UMAD1: variants seen among roughly 807,000 people sequenced by gnomAD.
UMAD1 encodes UBAP1-MVB12-associated (UMA)-domain containing protein 1.
A neutral mutation model predicts 6.1 loss-of-function variants in UMAD1; 8 were observed. The ratio of observed to expected loss-of-function variants is 1.30; its 90% CI spans 0.76 to 2.35. UMAD1 has a LOEUF of 2.35. Ranked by LOEUF, UMAD1 falls within the 30% of genes most tolerant of loss-of-function variation. The pLI, the probability that UMAD1 is intolerant of heterozygous loss-of-function variation, is 0.00. For synonymous variants in UMAD1, 56 were observed against 31.4 expected, an observed-to-expected ratio of 1.78 and a Z score of -2.61; for missense variants, 130 against 78.4, an observed-to-expected ratio of 1.66 and a Z score of -2.49.
At chr7:7,647,605 T>C (rs1785125071) in intron 1 of UMAD1, among the ~76,000 whole-genome samples, 1 of 152,154 alleles carries the variant, frequency 6.6e-6, no homozygotes, top group African/African-American at 2.4e-5. Flanking sequence ...TGACTTTTGC[T>C]ATATATATAC....
chr7:7,698,981 A>G (rs571512702), intron 2 of UMAD1, among the ~76,000 whole-genome samples: 6 of 150,424 alleles, frequency 4.0e-5, no homozygotes, highest in East Asian at 3.9e-4. Context: ...CAGCCCCCCA[A>G]GTATCTGGGA....
chr7:7,821,421 C>T (rs934675182), intron 3 of UMAD1, among the ~76,000 whole-genome samples: 1 of 152,050 alleles, frequency 6.6e-6, no homozygotes. Context: ...ATTAATTTCA[C>T]CTGTTTAACT....
chr7:7,743,655 C>T (rs1230844943), intron 2 of UMAD1, among the ~76,000 whole-genome samples: 1 of 151,326 alleles, frequency 6.6e-6, no homozygotes, highest in Non-Finnish European at 1.5e-5. Context: ...ATTATTAAAG[C>T]AGGGGAAAGT....
chr7:7,781,375 T>G (rs1458496889), intron 2 of UMAD1, among the ~76,000 whole-genome samples: 1 of 151,774 alleles, frequency 6.6e-6, no homozygotes, highest in East Asian at 1.9e-4. Flanking sequence ...CTCTTTCTTT[T>G]TTTTTTAGTG....
intron 2 of UMAD1, chr7:7,689,542 G>C (rs1583739367): frequency 6.6e-6 from 1 of 152,108 alleles, no homozygotes; most frequent in Non-Finnish European, 1.5e-5. Context: ...TGTCTGCACC[G>C]ATGTTTGACA....
intron 3 of UMAD1, among the ~76,000 whole-genome samples, chr7:7,865,793 G>A (rs905913984): frequency 7.9e-5 from 12 of 152,196 alleles, no homozygotes; most frequent in Non-Finnish European, 1.3e-4. Context: ...AGTTGTGTAA[G>A]GCAGGTTGGT....
intron 2 of UMAD1, among the ~76,000 whole-genome samples, chr7:7,789,628 C>CA (rs1782530998): frequency 3.3e-5 from 5 of 151,224 alleles, no homozygotes; most frequent in African/African-American, 1.2e-4. Context: ...CTCCCCTCCC[C>CA]ACAGACCCTG....
At chr7:7,805,288 C>T (rs1782889667) in intron 3 of UMAD1, among the ~76,000 whole-genome samples, 1 of 152,090 alleles carries the variant, frequency 6.6e-6, no homozygotes, top group African/African-American at 2.4e-5. Context: ...CCTCTCTGTG[C>T]CCAAGTTTTA....
chr7:7,742,076 A>C, intron 2 of UMAD1: 1 of 568,926 alleles, frequency 1.8e-6, no homozygotes, highest in Non-Finnish European at 3.4e-6. Context: ...ATAGATGTTT[A>C]GTAAACGCTT....
At chr7:7,799,813 C>T (rs1782762394) in intron 2 of UMAD1, among the ~76,000 whole-genome samples, 1 of 152,174 alleles carries the variant, frequency 6.6e-6, no homozygotes, top group African/African-American at 2.4e-5. Flanking sequence ...ATTTCTTTTG[C>T]CTCACAAATA....
At chr7:7,794,268 T>C (rs2115266729) in intron 2 of UMAD1, among the ~76,000 whole-genome samples, 1 of 152,208 alleles carries the variant, frequency 6.6e-6, no homozygotes, top group Non-Finnish European at 1.5e-5. Flanking sequence ...GGCATGCCAA[T>C]AATAACAGCC....
intron 3 of UMAD1, among the ~76,000 whole-genome samples, chr7:7,814,167 G>T (rs1269097007): frequency 6.6e-6 from 1 of 152,018 alleles, no homozygotes; most frequent in Admixed American, 6.6e-5. Context: ...TGTATTTTTA[G>T]TAGAGATGTA....
intron 3 of UMAD1, among the ~76,000 whole-genome samples, chr7:7,803,025 A>G (rs969738729): frequency 1.3e-5 from 2 of 152,340 alleles, no homozygotes; most frequent in Admixed American, 1.3e-4. Flanking sequence ...CTGTGCATTC[A>G]TTCTTTCACT....
chr7:7,855,797 G>T (rs1360742601), intron 3 of UMAD1, among the ~76,000 whole-genome samples: 1 of 152,176 alleles, frequency 6.6e-6, no homozygotes, highest in Non-Finnish European at 1.5e-5. Context: ...GTATCATCTG[G>T]ATGCATATTT....
chr7:7,771,355 T>C (rs886626578), intron 2 of UMAD1, among the ~76,000 whole-genome samples: 17 of 152,128 alleles, frequency 1.1e-4, no homozygotes, highest in African/African-American at 3.6e-4. Flanking sequence ...TTTGGAAAGG[T>C]AAAATATCAA....
chr7:7,784,789 T>G (rs1782427637), intron 2 of UMAD1, among the ~76,000 whole-genome samples: 1 of 126,988 alleles, frequency 7.9e-6, no homozygotes, highest in African/African-American at 3.3e-5. Context: ...TGAGACGGAG[T>G]CTTGCTGTGT....
chr7:7,643,482 GGGT>G (rs1298946120), intron 1 of UMAD1, among the ~76,000 whole-genome samples: 3 of 152,112 alleles, frequency 2.0e-5, no homozygotes. Context: ...AGGCTGAAGC[GGGT>G]GGATCACCTC....
intron 2 of UMAD1, among the ~76,000 whole-genome samples, chr7:7,760,415 TAATAA>T (rs1008018943): frequency 1.9e-5 from 1 of 52,746 alleles, no homozygotes; most frequent in African/African-American, 9.7e-5. Context: ...AAATACAAAA[TAATAA>T]TAATAATAAT....
intron 2 of UMAD1, among the ~76,000 whole-genome samples, chr7:7,678,702 A>G (rs1779825574): frequency 3.1e-5 from 4 of 128,906 alleles, no homozygotes; most frequent in African/African-American, 1.3e-4. Flanking sequence ...ATAAATATAT[A>G]TTTATATATT....
Sources: allele counts gnomAD v4.1 joint callset (sites outside exome capture counted in the v4.1 genomes callset), GRCh38; gene constraint gnomAD v4.1.1; transcripts MANE v1.5; gene names NCBI Gene and HGNC (gene_info 2026-07-23, HGNC 2026-07-21).